The following SPOCK1 variants were observed in gnomAD, a reference collection of about 807,000 sequenced individuals.
SPOCK1 encodes SPARC (osteonectin), cwcv and kazal like domains proteoglycan 1, also known as testican-1.
SPOCK1 carries 23 observed loss-of-function variants against 55.3 expected under a neutral mutation model. The ratio of observed to expected loss-of-function variants is 0.42; its 90% CI spans 0.30 to 0.59. SPOCK1 has a LOEUF of 0.59. SPOCK1 is among the 20% of genes least tolerant of loss of function. The probability of loss-of-function intolerance (pLI) is 0.22; values close to 1 mark genes in which losing one functional copy is unlikely to be tolerated. For synonymous variants in SPOCK1, 226 were observed against 221.0 expected (o/e 1.02, Z -0.20); for missense variants, 499 against 552.5 (o/e 0.90, Z 0.97).
At chr5:137,222,021 G>A (rs1156844231) in intron 3 of SPOCK1, among the ~76,000 whole-genome samples, 2 of 152,176 alleles carry the variant, frequency 1.3e-5, no homozygotes, top group Non-Finnish European at 2.9e-5. Flanking sequence ...CACACCAATT[G>A]TCATGCTTTT....
chr5:137,363,349 C>T (rs1750990696), intron 2 of SPOCK1, among the ~76,000 whole-genome samples: 1 of 152,210 alleles, frequency 6.6e-6, no homozygotes, highest in African/African-American at 2.4e-5. Context: ...TAAGAAGTGA[C>T]CCCACTCAGA....
At chr5:137,151,176 AGAGACAGGATCTGTCTATGTT>A (rs1387294864) in intron 3 of SPOCK1, among the ~76,000 whole-genome samples, 1 of 151,900 alleles carries the variant, frequency 6.6e-6, no homozygotes, top group Admixed American at 6.6e-5. Context: ...TTGTTGCTGT[AGAGACAGGATCTGTCTATGTT>A]GCCCAGGCTG....
chr5:137,298,739 A>G (rs887112761), intron 2 of SPOCK1, among the ~76,000 whole-genome samples: 1 of 152,140 alleles, frequency 6.6e-6, no homozygotes, highest in African/African-American at 2.4e-5. Flanking sequence ...ATTCTTATGA[A>G]GTACCTCTCT....
At chr5:137,154,588 A>G (rs111719688) in intron 3 of SPOCK1, among the ~76,000 whole-genome samples, 1 of 152,360 alleles carries the variant, frequency 6.6e-6, no homozygotes, top group Non-Finnish European at 1.5e-5. Context: ...TCTCACATCA[A>G]CATGTGCATC....
intron 2 of SPOCK1, among the ~76,000 whole-genome samples, chr5:137,321,139 A>G (rs1474264074): frequency 6.6e-6 from 1 of 152,160 alleles, no homozygotes; most frequent in Non-Finnish European, 1.5e-5. Context: ...AGCAACACAG[A>G]ATCAGCACAC....
intron 2 of SPOCK1, among the ~76,000 whole-genome samples, chr5:137,269,990 C>G (rs1008718755): frequency 6.6e-6 from 1 of 152,162 alleles, no homozygotes; most frequent in Admixed American, 6.5e-5. Flanking sequence ...AATGAACAGA[C>G]CCCATGACTT....
chr5:137,300,188 A>C (rs930321748), intron 2 of SPOCK1, among the ~76,000 whole-genome samples: 2 of 152,170 alleles, frequency 1.3e-5, no homozygotes, highest in African/African-American at 4.8e-5. Context: ...TCTGGACTCC[A>C]TCTGATAAAA....
At chr5:137,408,330 G>T (rs1192271146) in intron 2 of SPOCK1, among the ~76,000 whole-genome samples, 4 of 152,190 alleles carry the variant, frequency 2.6e-5, no homozygotes, top group Non-Finnish European at 5.9e-5. Context: ...TCAGGAGTGG[G>T]GATGTGGAGG....
intron 3 of SPOCK1, among the ~76,000 whole-genome samples, chr5:137,170,554 T>C (rs1157639062): frequency 6.6e-6 from 1 of 151,696 alleles, no homozygotes; most frequent in Non-Finnish European, 1.5e-5. Flanking sequence ...AGTGCTCTTA[T>C]AAGAATAGGA....
chr5:137,160,923 CAT>C (rs927860393), intron 3 of SPOCK1, among the ~76,000 whole-genome samples: 10 of 146,754 alleles, frequency 6.8e-5, no homozygotes, highest in South Asian at 2.1e-4. Flanking sequence ...CTCACACACA[CAT>C]GTTTATAGTG....
chr5:137,428,816 T>C (rs1752686478), intron 2 of SPOCK1, among the ~76,000 whole-genome samples: 1 of 152,150 alleles, frequency 6.6e-6, no homozygotes, highest in Admixed American at 6.5e-5. Context: ...CTAAATCCTA[T>C]CCATTCTGCC....
At chr5:137,083,593 G>A (rs552437553) in intron 5 of SPOCK1, among the ~76,000 whole-genome samples, 1 of 152,132 alleles carries the variant, frequency 6.6e-6, no homozygotes, top group African/African-American at 2.4e-5. Context: ...GTCAGCTTGG[G>A]GCTTACATTC....
chr5:137,375,206 T>A (rs1200727466), intron 2 of SPOCK1, among the ~76,000 whole-genome samples: 2 of 151,984 alleles, frequency 1.3e-5, no homozygotes, highest in Admixed American at 1.3e-4. Context: ...ACAGAACAGA[T>A]AAACTGTAGT....
chr5:137,470,344 T>G (rs942238317), intron 2 of SPOCK1, among the ~76,000 whole-genome samples: 1 of 151,994 alleles, frequency 6.6e-6, no homozygotes, highest in African/African-American at 2.4e-5. Flanking sequence ...CGAAAAGAGG[T>G]CAGTCAAGCT....
At chr5:137,039,289 TTTTTTTTTTG>T (rs1418382243) in intron 6 of SPOCK1, among the ~76,000 whole-genome samples, 24 of 142,734 alleles carry the variant, frequency 1.7e-4, no homozygotes, top group African/African-American at 2.6e-4. Context: ...TTTTTTTTTT[TTTTTTTTTTG>T]TTGTTGCAAC....
intron 6 of SPOCK1, among the ~76,000 whole-genome samples, chr5:137,050,852 A>G (rs1458860901): frequency 6.6e-6 from 1 of 152,180 alleles, no homozygotes; most frequent in East Asian, 1.9e-4. Flanking sequence ...AATCTCAAAC[A>G]TTGACTCTCT....
chr5:137,197,206 G>A (rs1755318495), intron 3 of SPOCK1, among the ~76,000 whole-genome samples: 1 of 152,204 alleles, frequency 6.6e-6, no homozygotes, highest in Admixed American at 6.5e-5. Flanking sequence ...CATATGTCCA[G>A]GAGCTTCAGG....
At chr5:137,287,106 A>C in intron 2 of SPOCK1, among the ~76,000 whole-genome samples, 1 of 152,174 alleles carries the variant, frequency 6.6e-6, no homozygotes, top group South Asian at 2.1e-4. Context: ...TTGGTCCTGC[A>C]AGCTCCCAGG....
At chr5:137,170,545 G>A (rs190798279) in intron 3 of SPOCK1, among the ~76,000 whole-genome samples, 1 of 151,998 alleles carries the variant, frequency 6.6e-6, no homozygotes, top group East Asian at 1.9e-4. Context: ...GATCACATCA[G>A]TGCTCTTATA....
Sources: allele counts gnomAD v4.1 joint callset (sites outside exome capture counted in the v4.1 genomes callset), GRCh38; gene constraint gnomAD v4.1.1; transcripts MANE v1.5; gene names NCBI Gene and HGNC (gene_info 2026-07-23, HGNC 2026-07-21).